NSMCE2: variants seen among roughly 807,000 people sequenced by gnomAD.
NSMCE2 encodes E3 SUMO-protein ligase NSE2.
NSMCE2 carries 24 observed loss-of-function variants against 23.8 expected under a neutral mutation model. That is an observed-to-expected ratio of 1.01 (90% CI 0.73 to 1.42). The LOEUF is 1.42. Among genes scored for constraint, NSMCE2 ranks in the 40% most tolerant of loss-of-function variants. The pLI, the probability that NSMCE2 is intolerant of heterozygous loss-of-function variation, is 0.00. For synonymous variants in NSMCE2, 92 were observed against 94.1 expected (o/e 0.98, Z 0.13); for missense variants, 284 against 296.5 (o/e 0.96, Z 0.31).
At position 125,268,068 on chromosome 8, in the gene NSMCE2, T is replaced by TA. The variant is rs759319628; in HGVS notation, c.418+85829dup. ...GCACAGTGAAACCCTCATCTCTATT[T>TA]AAAAAAAAAAAAAAAAATTAACTGG... On this transcript the variant is annotated intron_variant, in intron 5 of 7. Transcript: ENST00000287437. Among the ~76,000 whole-genome samples the TA allele has an allele frequency of 9.2e-3, 1,259 of 136,532 alleles. 5 individuals carry two copies. The highest frequency in any genetic ancestry group is 0.014 in the Non-Finnish European group (901 of 62,652). The allele number at this position is 136,532 out of a possible 152,430, so 89.6% of individuals were successfully genotyped here.
chr8:125,267,426 CA>C (rs1170912116), intron 5 of NSMCE2, among the ~76,000 whole-genome samples: 2 of 152,082 alleles, frequency 1.3e-5, no homozygotes, highest in African/African-American at 4.8e-5. Flanking sequence ...CAGTGAGGAC[CA>C]AATGTGAGAA....
intron 5 of NSMCE2, among the ~76,000 whole-genome samples, chr8:125,232,328 A>C (rs1028516667): frequency 6.6e-6 from 1 of 152,016 alleles, no homozygotes; most frequent in African/African-American, 2.4e-5. Context: ...GTGCCATTGC[A>C]TTCCAGCCTG....
intron 5 of NSMCE2, among the ~76,000 whole-genome samples, chr8:125,282,817 A>C (rs1029882572): frequency 4.6e-5 from 7 of 152,272 alleles, no homozygotes; most frequent in African/African-American, 1.7e-4. Flanking sequence ...TGTTATACAC[A>C]ATGCCATGTG....
chr8:125,202,139 G>A (rs1823911158), intron 5 of NSMCE2, among the ~76,000 whole-genome samples: 1 of 152,208 alleles, frequency 6.6e-6, no homozygotes, highest in Admixed American at 6.5e-5. Context: ...CCTTGGCTAG[G>A]AAAGGGAAAT....
At chr8:125,303,043 C>G (rs1159307059) in intron 5 of NSMCE2, among the ~76,000 whole-genome samples, 1 of 152,192 alleles carries the variant, frequency 6.6e-6, no homozygotes, top group Non-Finnish European at 1.5e-5. Context: ...GGAGAGTCCT[C>G]ACTCTTGCCA....
intron 5 of NSMCE2, among the ~76,000 whole-genome samples, chr8:125,323,585 C>G (rs1829535562): frequency 6.6e-6 from 1 of 152,170 alleles, no homozygotes; most frequent in Non-Finnish European, 1.5e-5. Flanking sequence ...GAGAAAAGGA[C>G]AGCCTTTGCA....
At chr8:125,185,024 G>A (rs1292832316) in intron 5 of NSMCE2, among the ~76,000 whole-genome samples, 1 of 152,142 alleles carries the variant, frequency 6.6e-6, no homozygotes. Context: ...GTTCTTTTAT[G>A]AAAATAACCA....
At chr8:125,157,309 G>A (rs975512428) in intron 4 of NSMCE2, among the ~76,000 whole-genome samples, 5 of 152,154 alleles carry the variant, frequency 3.3e-5, no homozygotes, top group South Asian at 4.1e-4. Flanking sequence ...TTCTCTACTC[G>A]CTGCATATGG....
intron 4 of NSMCE2, among the ~76,000 whole-genome samples, chr8:125,176,435 A>G (rs1275488344): frequency 6.6e-6 from 1 of 152,114 alleles, no homozygotes; most frequent in Non-Finnish European, 1.5e-5. Context: ...AAAATGTGAT[A>G]TCCTCCAGAG....
chr8:125,157,519 G>A (rs1439914748), intron 4 of NSMCE2, among the ~76,000 whole-genome samples: 1 of 152,162 alleles, frequency 6.6e-6, no homozygotes, highest in African/African-American at 2.4e-5. Context: ...TTCTATTTCG[G>A]TGGTTTAGAA....
chr8:125,250,020 G>A (rs759404459), intron 5 of NSMCE2, among the ~76,000 whole-genome samples: 3 of 151,934 alleles, frequency 2.0e-5, no homozygotes, highest in South Asian at 4.2e-4. Context: ...ACGGAGTTTC[G>A]CTCTTGTTGC....
intron 5 of NSMCE2, among the ~76,000 whole-genome samples, chr8:125,292,462 G>T (rs1828148389): frequency 6.6e-6 from 1 of 151,978 alleles, no homozygotes; most frequent in East Asian, 1.9e-4. Flanking sequence ...GCTAAGGCAG[G>T]AGAGTCACTT....
At chr8:125,155,550 T>TG (rs367611442) in intron 4 of NSMCE2, among the ~76,000 whole-genome samples, 1 of 152,220 alleles carries the variant, frequency 6.6e-6, no homozygotes, top group African/African-American at 2.4e-5. Context: ...TGCTTAGTAA[T>TG]GCAAGTCATG....
chr8:125,187,319 G>A (rs75130186), intron 5 of NSMCE2, among the ~76,000 whole-genome samples: 126 of 152,268 alleles, frequency 8.3e-4, no homozygotes, highest in Middle Eastern at 3.4e-3. Flanking sequence ...CTGAGTTAGG[G>A]AACAATTTCA....
intron 3 of NSMCE2, among the ~76,000 whole-genome samples, chr8:125,148,829 A>G (rs1377793802): frequency 6.6e-6 from 1 of 152,252 alleles, no homozygotes; most frequent in East Asian, 1.9e-4. Flanking sequence ...CAGGTTAACT[A>G]AAACCCCTAA....
chr8:125,260,780 A>G lies in NSMCE2; in HGVS notation c.418+78524A>G, dbSNP rs980468771. Among the ~76,000 whole-genome samples, 27 of 151,566 alleles carry G rather than the reference A, an allele frequency of 1.8e-4. 1 individual carries two copies. Among genetic ancestry groups the G allele is most frequent in the Non-Finnish European group, 4.4e-5 (3 of 67,932 alleles). ...GCTGGGATTACAGGTGTGCACCACC[A>G]CACCCAGCTAATTTTGTATTTTTAG... is the stretch of plus-strand genomic sequence containing the variant. On this transcript the variant is annotated intron_variant, in intron 5 of 7. Transcript: ENST00000287437.
chr8:125,232,961 G>A (rs1000376259), intron 5 of NSMCE2, among the ~76,000 whole-genome samples: 1 of 152,164 alleles, frequency 6.6e-6, no homozygotes, highest in Admixed American at 6.5e-5. Context: ...GTGACCAACT[G>A]CATTGCAAAA....
At chr8:125,317,598 A>G (rs573292346) in intron 5 of NSMCE2, among the ~76,000 whole-genome samples, 1 of 152,298 alleles carries the variant, frequency 6.6e-6, no homozygotes, top group Admixed American at 6.5e-5. Context: ...TCCATGTTTT[A>G]TTAATCAAAG....
intron 5 of NSMCE2, among the ~76,000 whole-genome samples, chr8:125,203,256 T>C (rs1823964107): frequency 6.6e-6 from 1 of 152,068 alleles, no homozygotes; most frequent in Admixed American, 6.6e-5. Flanking sequence ...TGTCTGTATG[T>C]ATATATATAA....
Sources: gnomAD v4.1 joint callset for allele counts (sites outside exome capture counted in the v4.1 genomes callset) on GRCh38, gnomAD v4.1.1 for gene constraint, MANE v1.5 for transcripts, NCBI Gene and HGNC (gene_info 2026-07-23, HGNC 2026-07-21) for gene names.